TMEM144: variants seen among roughly 807,000 people sequenced by gnomAD.
TMEM144 encodes transmembrane protein 144.
In TMEM144, 39 loss-of-function variants were observed where a neutral mutation model predicts 43.6. The observed-to-expected ratio is 0.90, with a 90% confidence interval of 0.69 to 1.17. TMEM144 has a LOEUF of 1.17. TMEM144 is among the 50% of genes most tolerant of loss of function. The pLI is 0.00. For missense variants in TMEM144, 417 were observed against 411.9 expected (o/e 1.01, Z -0.11); for synonymous variants, 154 against 133.6 (o/e 1.15, Z -1.06).
At chr4:158,237,015 G>C (rs1735383444) in intron 8 of TMEM144, among the ~76,000 whole-genome samples, 1 of 152,050 alleles carries the variant, frequency 6.6e-6, no homozygotes, top group African/African-American at 2.4e-5. Flanking sequence ...ACTTCTTCTT[G>C]ACCATGGCAT....
chr4:158,223,906 A>C (rs1009672985), intron 6 of TMEM144, among the ~76,000 whole-genome samples: 1 of 152,196 alleles, frequency 6.6e-6, no homozygotes, highest in South Asian at 2.1e-4. Context: ...AGAATGATTT[A>C]TATTCCTTTG....
chr4:158,253,407 G>A, intron 12 of TMEM144, 37 bp from the exon 13 acceptor site: 1 of 1,520,752 alleles, frequency 6.6e-7, no homozygotes, highest in Non-Finnish European at 9.1e-7. Context: ...ATTGATTCAG[G>A]CCTTATTCAT....
intron 5 of TMEM144, among the ~76,000 whole-genome samples, chr4:158,217,780 T>C (rs938724958): frequency 2.0e-5 from 3 of 151,900 alleles, no homozygotes; most frequent in African/African-American, 7.3e-5. Flanking sequence ...TATAAGAGAG[T>C]AGATAAAAAG....
In TMEM144 at chr4:158,254,751, C is replaced by T. The variant is rs954922932; in HGVS notation, c.*1224C>T. Reference sequence around the variant, plus strand: ...TCCCACCTGATAGTACTGTTTATTACTTTGCTATGCAGGAGAAACAAAACA... The same window carrying T: ...TCCCACCTGATAGTACTGTTTATTATTTTGCTATGCAGGAGAAACAAAACA... On this transcript the variant is annotated 3_prime_UTR_variant, in exon 13 of 13. Coordinates refer to ENST00000296529, the MANE Select transcript of TMEM144 (RefSeq NM_018342.5). 30 of 152,248 alleles carry T rather than the reference C, an allele frequency of 2.0e-4. No individual in the cohort carries two copies. The highest frequency in any genetic ancestry group is 7.0e-4 in the African/African-American group (29 of 41,556). The allele number at this position is 152,248 out of a possible 1,614,324, so 9.4% of individuals were successfully genotyped here. A position where few individuals can be genotyped will look rare whatever the true frequency, so the allele number is the denominator to read the frequency against.
chr4:158,244,963 G>A (rs1257412298), intron 12 of TMEM144, among the ~76,000 whole-genome samples: 3 of 152,018 alleles, frequency 2.0e-5, no homozygotes, highest in African/African-American at 7.2e-5. Flanking sequence ...ATATGAGAGA[G>A]GGAAATTTGT....
At chr4:158,217,918 A>C (rs1445858415) in intron 5 of TMEM144, among the ~76,000 whole-genome samples, 1 of 152,220 alleles carries the variant, frequency 6.6e-6, no homozygotes, top group Non-Finnish European at 1.5e-5. Context: ...TTTCCCAGCC[A>C]TTTCTATAAA....
At chr4:158,220,085 G>T (rs988496942) in intron 6 of TMEM144, among the ~76,000 whole-genome samples, 6 of 152,156 alleles carry the variant, frequency 3.9e-5, no homozygotes, top group African/African-American at 9.7e-5. Context: ...TCACATAATG[G>T]ATAGTACTGC....
chr4:158,219,336 A>G lies in TMEM144; in HGVS notation c.359A>G (p.Glu120Gly), dbSNP rs1302008431. Reference sequence around the variant, plus strand: ...TTTGGCTGGTTTGGATTGGATGCAGAAGAAGTATCAAATCCGCTGCTAAAT... The same window carrying G: ...TTTGGCTGGTTTGGATTGGATGCAGGAGAAGTATCAAATCCGCTGCTAAAT... ...SRFGWFGLDA[E>G]EVSNPLLNYI... Residue 120 changes from glutamate to glycine, a missense_variant, in exon 6 of 13, where the codon GAA becomes GGA. Transcript: ENST00000296529. The G allele has an allele frequency of 1.2e-5, 20 of 1,613,732 alleles. No homozygotes were observed. The highest frequency in any genetic ancestry group is 1.6e-5 in the Non-Finnish European group (19 of 1,179,784).
At chr4:158,230,338 A>G (rs546208917) in intron 6 of TMEM144, among the ~76,000 whole-genome samples, 18 of 152,248 alleles carry the variant, frequency 1.2e-4, no homozygotes, top group African/African-American at 4.3e-4. Flanking sequence ...GAGAATCTGG[A>G]TACCTTGGTT....
intron 6 of TMEM144, among the ~76,000 whole-genome samples, chr4:158,226,879 C>A (rs1050359005): frequency 4.6e-5 from 7 of 152,020 alleles, no homozygotes; most frequent in African/African-American, 1.7e-4. Flanking sequence ...AAATCCCGCC[C>A]CCCCTTTTTT....
At chr4:158,245,634 T>A (rs1048040321) in intron 12 of TMEM144, among the ~76,000 whole-genome samples, 1 of 151,890 alleles carries the variant, frequency 6.6e-6, no homozygotes, top group Non-Finnish European at 1.5e-5. Flanking sequence ...TAGCCCAAAC[T>A]GTCGATAGCA....
intron 12 of TMEM144, among the ~76,000 whole-genome samples, chr4:158,246,624 T>G (rs1735904340): frequency 6.6e-6 from 1 of 152,172 alleles, no homozygotes; most frequent in African/African-American, 2.4e-5. Context: ...ATTTCTCATT[T>G]ATTGTAGTCA....
intron 8 of TMEM144, 62 bp downstream of exon 8, chr4:158,235,567 A>G: frequency 6.7e-7 from 1 of 1,494,566 alleles, no homozygotes; most frequent in Non-Finnish European, 9.1e-7. Context: ...AGCAGGGATT[A>G]CCAGCATGAA....
intron 12 of TMEM144, among the ~76,000 whole-genome samples, chr4:158,251,617 T>A (rs1219859309): frequency 6.6e-6 from 1 of 152,110 alleles, no homozygotes; most frequent in African/African-American, 2.4e-5. Context: ...TTGCCCTAGG[T>A]TTCACCTAGG....
intron 5 of TMEM144, 127 bp from the exon 6 acceptor site, chr4:158,219,183 A>T: frequency 2.3e-6 from 2 of 868,148 alleles, no homozygotes; most frequent in Non-Finnish European, 3.6e-6. Flanking sequence ...ACTTTCCCAA[A>T]GTCACAGCTA....
At position 158,232,832 on chromosome 4, in the gene TMEM144, T is replaced by G. The variant is rs578076281; in HGVS notation, c.414-69T>G. 1.2e-5 allele frequency: 13 copies of G among 1,096,980 alleles called. No individual in the cohort carries two copies. The East Asian group carries it at 2.2e-4, about 19-fold the overall frequency. 68.0% of individuals were successfully genotyped at this position (1,096,980 alleles called of 1,614,324 possible). A position where few individuals can be genotyped will look rare whatever the true frequency, so the allele number is the denominator to read the frequency against. Reference sequence around the variant, plus strand: ...ATTATTTAAGGTGTGTGTTTTTTTCTTAAAAATCAAGCAGCTTGATATAAA... The same window carrying G: ...ATTATTTAAGGTGTGTGTTTTTTTCGTAAAAATCAAGCAGCTTGATATAAA... On this transcript the variant is annotated intron_variant, in intron 6 of 12. Transcript: ENST00000296529.
intron 6 of TMEM144, among the ~76,000 whole-genome samples, chr4:158,224,033 G>A (rs1244583317): frequency 6.6e-6 from 1 of 152,202 alleles, no homozygotes; most frequent in Non-Finnish European, 1.5e-5. Flanking sequence ...CACCAACAGT[G>A]TAAAAGCATT....
At position 158,223,601 on chromosome 4, in the gene TMEM144, C is replaced by T. The variant is rs1245345595; in HGVS notation, c.413+4211C>T. ...CAACAGGCCGTGGTGTGTGTTGTTC[C>T]CCTCCCTGTGTCCACGTATTCTCAC... On this transcript the variant is annotated intron_variant, in intron 6 of 12. Transcript: ENST00000296529. Among the ~76,000 whole-genome samples, 2 of 152,134 alleles carry T rather than the reference C, an allele frequency of 1.3e-5. 1 individual carries two copies. The highest frequency in any genetic ancestry group is 4.1e-4 in the South Asian group (2 of 4,832).
Position 158,215,173 on chromosome 4 carries a change from G to T in TMEM144, c.110-18G>T. ...CAATTCAATTTGAACCACTAACACTGAGTTTGTTTATTTCTAGGAATGTTT... is the reference window on the plus strand; with the variant it reads ...CAATTCAATTTGAACCACTAACACTTAGTTTGTTTATTTCTAGGAATGTTT... On this transcript the variant is annotated intron_variant, in intron 3 of 12. Coordinates refer to ENST00000296529, the MANE Select transcript of TMEM144 (RefSeq NM_018342.5). 1 of 1,613,296 alleles carries T rather than the reference G, an allele frequency of 6.2e-7. No homozygotes were observed. Among genetic ancestry groups the T allele is most frequent in the South Asian group, 1.1e-5 (1 of 91,032 alleles).
Sources: gnomAD v4.1 joint callset for allele counts (sites outside exome capture counted in the v4.1 genomes callset) on GRCh38, gnomAD v4.1.1 for gene constraint, MANE v1.5 for transcripts, NCBI Gene and HGNC (gene_info 2026-07-23, HGNC 2026-07-21) for gene names.